The following CDK8 variants were observed in gnomAD, a reference collection of about 807,000 sequenced individuals.
The protein encoded by CDK8 is cyclin-dependent kinase 8.
Under a neutral mutation model 71.5 loss-of-function variants are expected in CDK8, and 29 were observed. That is an observed-to-expected ratio of 0.41 (90% CI 0.30 to 0.55). The LOEUF (loss-of-function observed/expected upper bound fraction) is 0.55, where lower values mean the gene tolerates loss of function less well. CDK8 is among the 20% of genes least tolerant of loss of function. The pLI is 0.37. For synonymous variants in CDK8, 161 were observed against 192.1 expected, an observed-to-expected ratio of 0.84 and a Z score of 1.34; for missense variants, 288 against 572.6, an observed-to-expected ratio of 0.50 and a Z score of 5.07.
intron 1 of CDK8, among the ~76,000 whole-genome samples, chr13:26,311,074 G>A (rs1210576799): frequency 1.4e-5 from 2 of 147,272 alleles, no homozygotes; most frequent in African/African-American, 5.0e-5. Flanking sequence ...TAGGAAGCTG[G>A]TGTCTTATAG....
At chr13:26,372,891 A>G (rs1206676657) in intron 4 of CDK8, among the ~76,000 whole-genome samples, 1 of 151,998 alleles carries the variant, frequency 6.6e-6, no homozygotes, top group Non-Finnish European at 1.5e-5. Context: ...TAAAAGGAGC[A>G]TTTTTTCTGC....
intron 1 of CDK8, among the ~76,000 whole-genome samples, chr13:26,275,346 A>C (rs533936828): frequency 6.6e-6 from 1 of 152,338 alleles, no homozygotes; most frequent in Admixed American, 6.5e-5. Context: ...TTAAATGTAT[A>C]GATAGATGAA....
chr13:26,319,087 GT>G (rs1342525458), intron 1 of CDK8, among the ~76,000 whole-genome samples: 1 of 152,158 alleles, frequency 6.6e-6, no homozygotes, highest in Non-Finnish European at 1.5e-5. Flanking sequence ...ATAAAAGTGA[GT>G]ATACAAAAAT....
intron 7 of CDK8, among the ~76,000 whole-genome samples, chr13:26,394,592 T>C (rs1875898081): frequency 6.6e-6 from 1 of 152,220 alleles, no homozygotes; most frequent in Non-Finnish European, 1.5e-5. Flanking sequence ...ACAGAAGAAT[T>C]CTGTTTTCTT....
chr13:26,390,288 A>G (rs1875686262), intron 6 of CDK8, among the ~76,000 whole-genome samples: 1 of 152,202 alleles, frequency 6.6e-6, no homozygotes, highest in Non-Finnish European at 1.5e-5. Flanking sequence ...AAGGGGTTAC[A>G]TCTGTTACGA....
intron 1 of CDK8, among the ~76,000 whole-genome samples, chr13:26,292,206 T>G (rs1873335168): frequency 1.3e-5 from 2 of 152,178 alleles, no homozygotes; most frequent in African/African-American, 4.8e-5. Flanking sequence ...TGAAGACATT[T>G]TTTCCAGTCA....
chr13:26,286,499 T>A (rs1234771946), intron 1 of CDK8, among the ~76,000 whole-genome samples: 1 of 152,192 alleles, frequency 6.6e-6, no homozygotes, highest in Non-Finnish European at 1.5e-5. Context: ...TCTCACCTTA[T>A]ACAAAAATCA....
At position 26,344,873 on chromosome 13, in the gene CDK8, AT is replaced by A. The variant is rs565853181; in HGVS notation, c.205-4198del. Among the ~76,000 whole-genome samples, 1,031 of 152,286 alleles carry A rather than the reference AT, an allele frequency of 6.8e-3. 8 individuals are homozygous for A. Among genetic ancestry groups the A allele is most frequent in the Middle Eastern group, 0.024 (7 of 292 alleles). On this transcript the variant is annotated intron_variant, in intron 2 of 12. Coordinates refer to ENST00000381527, the MANE Select transcript of CDK8 (RefSeq NM_001260.3). ...ATTTTACAGTTAACTTAAAAAAAAAATAAGTCGAAGGGGTACACTCTACAAT... is the reference window on the plus strand; with the variant it reads ...ATTTTACAGTTAACTTAAAAAAAAAAAAGTCGAAGGGGTACACTCTACAAT...
intron 1 of CDK8, among the ~76,000 whole-genome samples, chr13:26,272,244 C>T (rs1173947828): frequency 6.6e-6 from 1 of 151,936 alleles, no homozygotes; most frequent in Non-Finnish European, 1.5e-5. Context: ...GTAATCCCAA[C>T]ACTTCGGGAG....
intron 1 of CDK8, among the ~76,000 whole-genome samples, chr13:26,318,816 CATG>C (rs1313497224): frequency 6.6e-6 from 1 of 152,086 alleles, no homozygotes; most frequent in Admixed American, 6.5e-5. Flanking sequence ...ACTACCTCAA[CATG>C]ATATGAGCTA....
At chr13:26,350,951 AT>A (rs1339996319) in intron 3 of CDK8, among the ~76,000 whole-genome samples, 1 of 152,040 alleles carries the variant, frequency 6.6e-6, no homozygotes, top group Non-Finnish European at 1.5e-5. Context: ...ACATTTATAT[AT>A]TTTTTAAAAA....
chr13:26,352,077 A>G (rs1373270872), intron 3 of CDK8, among the ~76,000 whole-genome samples: 1 of 151,370 alleles, frequency 6.6e-6, no homozygotes, highest in Non-Finnish European at 1.5e-5. Flanking sequence ...TCTCCTACAT[A>G]TTTGTTCCTT....
At position 26,254,554 on chromosome 13, in the gene CDK8, C is replaced by T. The variant is rs1391973336; in HGVS notation, c.-88C>T. ...GGCGGGCGTAGAGCGGGCGGGTTCC[C>T]GGGGGCTGCGGCTGCCCGTGCTTCC... On this transcript the variant is annotated 5_prime_UTR_variant, in exon 1 of 13. Transcript: ENST00000381527. The surrounding 1 kb of genome is among the most constrained non-coding windows in gnomAD (Gnocchi z 6.7). 6.5e-6 allele frequency: 8 copies of T among 1,221,718 alleles called. No homozygotes were observed. Among genetic ancestry groups the T allele is most frequent in the South Asian group, 5.9e-5 (4 of 67,600 alleles). 75.7% of individuals were successfully genotyped at this position (1,221,718 alleles called of 1,614,324 possible). A position where few individuals can be genotyped will look rare whatever the true frequency, so the allele number is the denominator to read the frequency against.
Position 26,254,465 on chromosome 13 carries a change from T to G in CDK8, c.-177T>G, listed in dbSNP as rs1871422954. The stretch of plus-strand genomic sequence containing the variant: ...CTCTGCCCCGCCGTCCCCCTGGATG[T>G]CCCTGGCGCTTTCGCGGGGCCTCCT... On this transcript the variant is annotated 5_prime_UTR_variant, in exon 1 of 13. Transcript: ENST00000381527. This position sits in a 1 kb window ranked among gnomAD's most constrained non-coding sequence, Gnocchi z 6.7. The G allele has an allele frequency of 2.0e-6, 1 of 500,686 alleles. No individual in the cohort carries two copies. Among genetic ancestry groups the G allele is most frequent in the Non-Finnish European group, 3.5e-6 (1 of 284,140 alleles). 31.0% of individuals were successfully genotyped at this position (500,686 alleles called of 1,614,324 possible).
At chr13:26,349,487 A>G (rs1380782561) in intron 3 of CDK8, among the ~76,000 whole-genome samples, 1 of 152,158 alleles carries the variant, frequency 6.6e-6, no homozygotes. Context: ...TATATATAAA[A>G]TTTTGCTCTA....
At chr13:26,262,015 C>T (rs1207710429) in intron 1 of CDK8, among the ~76,000 whole-genome samples, 5 of 152,238 alleles carry the variant, frequency 3.3e-5, no homozygotes, top group Admixed American at 3.3e-4. Context: ...CCTCCATCAA[C>T]TTAGACCACT....
chr13:26,382,147 G>A (rs1875259929), intron 4 of CDK8, among the ~76,000 whole-genome samples: 2 of 151,990 alleles, frequency 1.3e-5, no homozygotes, highest in African/African-American at 4.8e-5. Context: ...ATTCATTAGT[G>A]TAGTAGATAC....
chr13:26,299,908 T>G (rs1259898655), intron 1 of CDK8, among the ~76,000 whole-genome samples: 2 of 152,138 alleles, frequency 1.3e-5, no homozygotes, highest in African/African-American at 4.8e-5. Context: ...ATAGTCTCTG[T>G]TACTAATTTT....
At chr13:26,358,869 A>G (rs1481123967) in intron 4 of CDK8, 1 of 168,722 alleles carries the variant, frequency 5.9e-6, no homozygotes, top group Non-Finnish European at 1.3e-5. Flanking sequence ...ATATCCACAA[A>G]AGCAAAAATT....
Sources: allele counts gnomAD v4.1 joint callset (sites outside exome capture counted in the v4.1 genomes callset), GRCh38; gene constraint gnomAD v4.1.1; non-coding constraint Gnocchi (gnomAD v3.1); transcripts MANE v1.5; gene names NCBI Gene and HGNC (gene_info 2026-07-23, HGNC 2026-07-21).